NSD3: variants seen among roughly 807,000 people sequenced by gnomAD.
NSD3 encodes the protein histone-lysine N-methyltransferase NSD3.
Under a neutral mutation model 160.8 loss-of-function variants are expected in NSD3, and 24 were observed. That is an observed-to-expected ratio of 0.15 (90% CI 0.11 to 0.21). The LOEUF (loss-of-function observed/expected upper bound fraction) is 0.21, where lower values mean the gene tolerates loss of function less well. Among genes scored for constraint, NSD3 ranks in the 10% least tolerant of loss-of-function variants. The pLI is 1.00. For missense variants in NSD3, 1,157 were observed against 1,735.9 expected, an observed-to-expected ratio of 0.67 and a Z score of 5.93; for synonymous variants, 520 against 600.0, an observed-to-expected ratio of 0.87 and a Z score of 1.95.
intron 1 of NSD3, among the ~76,000 whole-genome samples, chr8:38,356,530 G>A (rs1421521751): frequency 1.3e-5 from 2 of 151,890 alleles, no homozygotes; most frequent in Non-Finnish European, 2.9e-5. Flanking sequence ...CAGCCTGGGT[G>A]ACACAGTAAA....
chr8:38,337,227 C>A, intron 4 of NSD3, 78 bp downstream of exon 4: 1 of 1,267,372 alleles, frequency 7.9e-7, no homozygotes, highest in Non-Finnish European at 1.1e-6. Context: ...CGTGTGTATT[C>A]TTATATTCAC....
chr8:38,334,350 A>C (rs1006576026), intron 4 of NSD3, among the ~76,000 whole-genome samples: 1 of 152,220 alleles, frequency 6.6e-6, no homozygotes, highest in Admixed American at 6.5e-5. Flanking sequence ...GTGACTGCTA[A>C]TGGATACAGG....
chr8:38,301,409 C>T (rs907717893), intron 14 of NSD3, among the ~76,000 whole-genome samples: 1 of 152,176 alleles, frequency 6.6e-6, no homozygotes, highest in Admixed American at 6.5e-5. Context: ...AAAACCCCAT[C>T]TCTACTAAAA....
rs1809803828 is a variant in NSD3, at chr8:38,321,995, G to C, written c.1709-823C>G. 6.6e-6 allele frequency among the ~76,000 whole-genome samples: 1 copy of C among 152,170 alleles called. No homozygotes were observed. Among genetic ancestry groups the C allele is most frequent in the Non-Finnish European group, 1.5e-5 (1 of 68,036 alleles). ...GATTTCATTCTGTGAGCCTGAGGAG[G>C]AATGATACCTGCAGTGCAGCTGTTC... On this transcript the variant is annotated intron_variant, in intron 7 of 23. Transcript: ENST00000317025. The surrounding 1 kb of genome is among the most constrained non-coding windows in gnomAD (Gnocchi z 4.7).
intron 1 of NSD3, among the ~76,000 whole-genome samples, chr8:38,366,805 A>G (rs1283329885): frequency 6.6e-6 from 1 of 152,208 alleles, no homozygotes; most frequent in Non-Finnish European, 1.5e-5. Flanking sequence ...AAATTAAATT[A>G]CATTAAAAAT....
chr8:38,276,102 G>C (rs1408738306), intron 23 of NSD3, among the ~76,000 whole-genome samples, 194 bp downstream of exon 23: 2 of 152,218 alleles, frequency 1.3e-5, no homozygotes, highest in African/African-American at 4.8e-5. Context: ...TACGGGAACA[G>C]TATACAAGAA....
chr8:38,288,905 C>A lies in NSD3; in HGVS notation c.3232-149G>T, dbSNP rs1047354752. On this transcript the variant is annotated intron_variant, in intron 18 of 23. Coordinates refer to ENST00000317025, the MANE Select transcript of NSD3 (RefSeq NM_023034.2). This position sits in a 1 kb window ranked among gnomAD's most constrained non-coding sequence, Gnocchi z 4.5. ...TGATGAATAAGCTGAGATTAATAAC[C>A]ATCTCTTTTGTCATTTAGTTGACAA... 3 of 1,009,194 alleles carry A rather than the reference C, an allele frequency of 3.0e-6. No individual in the cohort carries two copies. The highest frequency in any genetic ancestry group is 2.8e-6 in the Non-Finnish European group (2 of 709,500). 62.5% of individuals were successfully genotyped at this position (1,009,194 alleles called of 1,614,324 possible).
rs893170053 is a variant in NSD3, at chr8:38,318,814, A to G, written c.1855+81T>C. ...GCAACAACGATTTACAGAGACAGAC[A>G]AAAATACATGAAGTACAAATAATTC... On this transcript the variant is annotated intron_variant, in intron 9 of 23. Transcript: ENST00000317025. The surrounding 1 kb of genome is among the most constrained non-coding windows in gnomAD (Gnocchi z 5.3). 2.2e-6 allele frequency: 3 copies of G among 1,382,592 alleles called. No individual in the cohort carries two copies. The Admixed American group carries it at 5.6e-5, about 26-fold the overall frequency. 85.6% of individuals were successfully genotyped at this position (1,382,592 alleles called of 1,614,324 possible).
chr8:38,371,042 A>G (rs906379541), intron 1 of NSD3, among the ~76,000 whole-genome samples: 2 of 152,120 alleles, frequency 1.3e-5, no homozygotes, highest in African/African-American at 4.8e-5. Context: ...AACAGATAAT[A>G]GCACACCTGT....
At chr8:38,276,600 G>A in intron 22 of NSD3, 100 bp from the exon 23 acceptor site, 1 of 1,273,806 alleles carries the variant, frequency 7.9e-7, no homozygotes, top group Non-Finnish European at 1.1e-6. Context: ...AAATTCATCT[G>A]TTGTACAATT....
At chr8:38,335,301 TTAATA>T (rs1460664071) in intron 4 of NSD3, among the ~76,000 whole-genome samples, 2 of 152,208 alleles carry the variant, frequency 1.3e-5, no homozygotes, top group South Asian at 2.1e-4. Context: ...ATTAGGTTAA[TTAATA>T]AAACTAAATG....
chr8:38,329,625 G>A lies in NSD3; in HGVS notation c.1334C>T (p.Thr445Ile). 1 of 1,614,204 alleles carries A rather than the reference G, an allele frequency of 6.2e-7. No individual in the cohort carries two copies. The highest frequency in any genetic ancestry group is 8.5e-7 in the Non-Finnish European group (1 of 1,180,044). ...AGEVASSLSS[T>I]EIRRHSQRRH... The stretch of plus-strand genomic sequence containing the variant: ...CCTCTGGCTATGTCTCCGAATTTCA[G>A]TACTTGAGAGTGAGGAGGCCACCTC... Residue 445 changes from threonine to isoleucine, a missense_variant, in exon 6 of 24, where the codon ACT (threonine) becomes ATT (isoleucine). By Grantham distance (89) the Thr-to-Ile change is moderately conservative (BLOSUM62 -1). Around this residue, in one of 10 missense-constraint regions of NSD3, gnomAD observed 168 missense variants for 208.1 expected, o/e 0.81. Transcript: ENST00000317025. This position sits in a 1 kb window ranked among gnomAD's most constrained non-coding sequence, Gnocchi z 4.8.
intron 1 of NSD3, among the ~76,000 whole-genome samples, chr8:38,350,148 G>A (rs150294323): frequency 6.6e-6 from 1 of 152,182 alleles, no homozygotes; most frequent in African/African-American, 2.4e-5. Flanking sequence ...ATAAACATAT[G>A]TGTGCGTGTG....
chr8:38,363,365 C>T (rs527920160), intron 1 of NSD3, among the ~76,000 whole-genome samples: 1 of 152,084 alleles, frequency 6.6e-6, no homozygotes, highest in African/African-American at 2.4e-5. Flanking sequence ...GGAAGAGGGC[C>T]GGGCATGGTG....
Position 38,269,882 on chromosome 8 carries a change from A to G in NSD3, c.*5759T>C, listed in dbSNP as rs936923398. 2.0e-5 allele frequency: 3 copies of G among 152,276 alleles called. No individual in the cohort carries two copies. The highest frequency in any genetic ancestry group is 7.2e-5 in the African/African-American group (3 of 41,476). The allele number at this position is 152,276 out of a possible 1,614,324, so 9.4% of individuals were successfully genotyped here. On this transcript the variant is annotated 3_prime_UTR_variant, in exon 24 of 24. Coordinates refer to ENST00000317025, the MANE Select transcript of NSD3 (RefSeq NM_023034.2). ...AGTAAATATAATGTACAAAAATTATATGTTCCTACCAGCACACACATCAGT... is the reference window on the plus strand; with the variant it reads ...AGTAAATATAATGTACAAAAATTATGTGTTCCTACCAGCACACACATCAGT...
chr8:38,274,860 C>G lies in NSD3; in HGVS notation c.*781G>C, dbSNP rs2130977839. On this transcript the variant is annotated 3_prime_UTR_variant, in exon 24 of 24. Transcript: ENST00000317025. Reference sequence around the variant, plus strand: ...CACAGAAACGCACTTCATCCAAAACCCAAACCATCCATGTCAATGGAAAAC... The same window carrying G: ...CACAGAAACGCACTTCATCCAAAACGCAAACCATCCATGTCAATGGAAAAC... 1.1e-5 allele frequency: 2 copies of G among 179,374 alleles called. No homozygotes were observed. Among genetic ancestry groups the G allele is most frequent in the South Asian group, 4.0e-4 (2 of 5,058 alleles). The allele number at this position is 179,374 out of a possible 1,614,324, so 11.1% of individuals were successfully genotyped here. A position where few individuals can be genotyped will look rare whatever the true frequency, so the allele number is the denominator to read the frequency against.
At position 38,271,431 on chromosome 8, in the gene NSD3, G is replaced by A. The variant is rs1226202147; in HGVS notation, c.*4210C>T. On this transcript the variant is annotated 3_prime_UTR_variant, in exon 24 of 24. Coordinates refer to ENST00000317025, the MANE Select transcript of NSD3 (RefSeq NM_023034.2). ...CTTACCCTTTACCAGGAGAAAGGGG[G>A]TTCCCTTTCTCCTGGTACCCCACCC... is the stretch of plus-strand genomic sequence containing the variant. 1.3e-5 allele frequency: 2 copies of A among 151,938 alleles called. No homozygotes were observed. The highest frequency in any genetic ancestry group is 2.9e-5 in the Non-Finnish European group (2 of 67,976). 9.4% of individuals were successfully genotyped at this position (151,938 alleles called of 1,614,324 possible).
chr8:38,310,264 T>C (rs1238786680), intron 12 of NSD3, among the ~76,000 whole-genome samples: 4 of 152,222 alleles, frequency 2.6e-5, no homozygotes, highest in African/African-American at 9.6e-5. Flanking sequence ...TTCATATAAA[T>C]GCAATCATAC....
intron 19 of NSD3, among the ~76,000 whole-genome samples, chr8:38,285,317 G>C (rs975109300): frequency 2.0e-5 from 3 of 152,150 alleles, no homozygotes; most frequent in Non-Finnish European, 4.4e-5. Context: ...TTCCCAGTTT[G>C]GCACACATTT....
Sources: allele counts gnomAD v4.1 joint callset (sites outside exome capture counted in the v4.1 genomes callset), GRCh38; gene constraint gnomAD v4.1.1; regional missense constraint gnomAD v4.1.1; non-coding constraint Gnocchi (gnomAD v3.1); transcripts MANE v1.5; gene names NCBI Gene and HGNC (gene_info 2026-07-23, HGNC 2026-07-21).